METAP1D: variants seen among roughly 807,000 people sequenced by gnomAD.
The protein encoded by METAP1D is methionine aminopeptidase 1D, mitochondrial.
In METAP1D, 31 loss-of-function variants were observed where a neutral mutation model predicts 40.5. The ratio of observed to expected loss-of-function variants is 0.77; its 90% confidence interval spans 0.58 to 1.03. The LOEUF (loss-of-function observed/expected upper bound fraction) is 1.03. Ranked by LOEUF, METAP1D falls within the 50% of genes least tolerant of loss-of-function variation. METAP1D has a pLI of 0.00. For synonymous variants in METAP1D, 151 were observed against 146.4 expected (o/e 1.03, Z -0.22); for missense variants, 411 against 420.7 (o/e 0.98, Z 0.20).
chr2:172,032,985 G>A (rs1046249248), intron 1 of METAP1D, among the ~76,000 whole-genome samples: 13 of 152,006 alleles, frequency 8.6e-5, no homozygotes, highest in Admixed American at 8.5e-4. Flanking sequence ...CGTGAACCCG[G>A]GAGGTGGAGC....
At chr2:172,014,597 C>T (rs1688809665) in intron 1 of METAP1D, among the ~76,000 whole-genome samples, 1 of 152,162 alleles carries the variant, frequency 6.6e-6, no homozygotes, top group African/African-American at 2.4e-5. Flanking sequence ...GTTTTGATGA[C>T]TATCTTGCCA....
intron 1 of METAP1D, among the ~76,000 whole-genome samples, chr2:172,021,055 T>G (rs1001865586): frequency 3.9e-5 from 6 of 152,158 alleles, no homozygotes; most frequent in African/African-American, 1.4e-4. Flanking sequence ...AGAAAAAAAT[T>G]GTTTTGTACT....
At position 172,042,521 on chromosome 2, in the gene METAP1D, A is replaced by G. The variant is rs552698658; in HGVS notation, c.41-18977A>G. On this transcript the variant is annotated intron_variant, in intron 1 of 9. Transcript: ENST00000315796. Reference sequence around the variant, plus strand: ...TATACATATATACATATGTATGTGTACATGTGTACATATATACATATATGT... The same window carrying G: ...TATACATATATACATATGTATGTGTGCATGTGTACATATATACATATATGT... 1.1e-4 allele frequency among the ~76,000 whole-genome samples: 6 copies of G among 52,912 alleles called. 3 individuals are homozygous for G. Among genetic ancestry groups the G allele is most frequent in the African/African-American group, 3.2e-4 (4 of 12,574 alleles). The allele number at this position is 52,912 out of a possible 152,430, so 34.7% of individuals were successfully genotyped here.
At chr2:172,060,540 A>G (rs1690117225) in intron 1 of METAP1D, among the ~76,000 whole-genome samples, 1 of 152,194 alleles carries the variant, frequency 6.6e-6, no homozygotes, top group Non-Finnish European at 1.5e-5. Context: ...AGCTTATATA[A>G]ATGTATAAGC....
intron 1 of METAP1D, among the ~76,000 whole-genome samples, chr2:172,055,508 G>T (rs1230974212): frequency 6.6e-6 from 1 of 152,166 alleles, no homozygotes; most frequent in African/African-American, 2.4e-5. Context: ...GATAAACAAA[G>T]TTGAGGGCCC....
chr2:172,048,407 CATA>C (rs1189590114), intron 1 of METAP1D, among the ~76,000 whole-genome samples: 1 of 152,190 alleles, frequency 6.6e-6, no homozygotes, highest in Non-Finnish European at 1.5e-5. Flanking sequence ...ATACAATTAT[CATA>C]GCAACCCTGT....
chr2:172,069,852 G>C (rs754859539), intron 5 of METAP1D, among the ~76,000 whole-genome samples: 1 of 152,108 alleles, frequency 6.6e-6, no homozygotes, highest in Non-Finnish European at 1.5e-5. Flanking sequence ...ATCTAATAAA[G>C]ACCTTTCTTG....
chr2:172,024,605 T>C (rs1218788148), intron 1 of METAP1D, among the ~76,000 whole-genome samples: 1 of 152,108 alleles, frequency 6.6e-6, no homozygotes, highest in African/African-American at 2.4e-5. Flanking sequence ...GCTATATACC[T>C]TATACTAAGA....
At chr2:172,017,739 T>G (rs1688910752) in intron 1 of METAP1D, among the ~76,000 whole-genome samples, 1 of 151,364 alleles carries the variant, frequency 6.6e-6, no homozygotes, top group Admixed American at 6.6e-5. Context: ...ATATCAGAGG[T>G]GATAAGACCC....
rs1394617626 is a variant in METAP1D, at chr2:172,048,335, C to G, written c.41-13163C>G. Among the ~76,000 whole-genome samples, 5 of 152,320 alleles carry G rather than the reference C, an allele frequency of 3.3e-5. No individual in the cohort carries two copies. In the South Asian group the frequency reaches 8.3e-4, roughly 25 times the overall value. ...GTGACCTCCTCCCACAGTCAGGTAACCAATGATAGTAATTACCATTTATTG... is the reference window on the plus strand; with the variant it reads ...GTGACCTCCTCCCACAGTCAGGTAAGCAATGATAGTAATTACCATTTATTG... On this transcript the variant is annotated intron_variant, in intron 1 of 9. Coordinates refer to ENST00000315796, the MANE Select transcript of METAP1D (RefSeq NM_199227.3).
chr2:172,001,426 T>C (rs1233273045), intron 1 of METAP1D, among the ~76,000 whole-genome samples: 2 of 151,980 alleles, frequency 1.3e-5, no homozygotes, highest in African/African-American at 4.8e-5. Flanking sequence ...TAATCCCAGC[T>C]ACTCGGGAGA....
chr2:172,023,845 C>T (rs191285608), intron 1 of METAP1D, among the ~76,000 whole-genome samples: 3 of 142,842 alleles, frequency 2.1e-5, no homozygotes. Context: ...TGTGAGTGTT[C>T]ACTGTAAAAT....
chr2:172,012,878 C>G (rs1169550527), intron 1 of METAP1D, among the ~76,000 whole-genome samples: 1 of 152,092 alleles, frequency 6.6e-6, no homozygotes, highest in Non-Finnish European at 1.5e-5. Context: ...CTAGATCTCC[C>G]AGTGTTCACT....
chr2:172,038,788 C>T (rs1689451466), intron 1 of METAP1D, among the ~76,000 whole-genome samples: 1 of 152,172 alleles, frequency 6.6e-6, no homozygotes, highest in Non-Finnish European at 1.5e-5. Flanking sequence ...TTCTCAATGT[C>T]AGTTTGCCAT....
chr2:172,005,158 ATTTAT>A (rs1688550181), intron 1 of METAP1D, among the ~76,000 whole-genome samples: 1 of 151,680 alleles, frequency 6.6e-6, no homozygotes, highest in Admixed American at 6.6e-5. Context: ...TTTCTTATTT[ATTTAT>A]TTTATGTTTT....
chr2:172,027,169 C>T (rs775022681), intron 1 of METAP1D, among the ~76,000 whole-genome samples: 10 of 152,212 alleles, frequency 6.6e-5, no homozygotes, highest in Non-Finnish European at 1.2e-4. Flanking sequence ...AGAAAACTCC[C>T]AACCTAACAC....
intron 1 of METAP1D, among the ~76,000 whole-genome samples, chr2:172,041,805 T>TTG (rs1491278355): frequency 5.4e-5 from 3 of 55,954 alleles, no homozygotes; most frequent in African/African-American, 9.0e-5. Context: ...ATATATATAG[T>TTG]TTTTTTTTTT....
intron 1 of METAP1D, among the ~76,000 whole-genome samples, chr2:172,016,139 G>A (rs1304368948): frequency 1.7e-4 from 25 of 144,978 alleles, no homozygotes; most frequent in South Asian, 4.4e-4. Flanking sequence ...AGCTGGGCGC[G>A]GTCACATGTG....
chr2:172,037,341 C>G (rs927043951), intron 1 of METAP1D, among the ~76,000 whole-genome samples: 1 of 151,842 alleles, frequency 6.6e-6, no homozygotes, highest in South Asian at 2.1e-4. Flanking sequence ...TACAGAGACT[C>G]TTTCTGGTCA....
Sources: gnomAD v4.1 joint callset for allele counts (sites outside exome capture counted in the v4.1 genomes callset) on GRCh38, gnomAD v4.1.1 for gene constraint, MANE v1.5 for transcripts, NCBI Gene and HGNC (gene_info 2026-07-23, HGNC 2026-07-21) for gene names.